The following DPP6 variants were observed in gnomAD, a reference collection of about 807,000 sequenced individuals.
The protein encoded by DPP6 is dipeptidyl peptidase like 6.
Under a neutral mutation model 122.6 loss-of-function variants are expected in DPP6, and 69 were observed. The observed-to-expected ratio is 0.56, with a 90% CI of 0.46 to 0.69. The LOEUF (loss-of-function observed/expected upper bound fraction) is 0.69. Ranked by LOEUF, DPP6 falls within the 30% of genes least tolerant of loss-of-function variation. The pLI is 0.00. For missense variants in DPP6, 928 were observed against 1,116.9 expected (o/e 0.83, Z 2.41); for synonymous variants, 418 against 433.1 (o/e 0.97, Z 0.43).
At chr7:154,233,886 G>A (rs1801050942) in intron 1 of DPP6, among the ~76,000 whole-genome samples, 1 of 152,200 alleles carries the variant, frequency 6.6e-6, no homozygotes, top group African/African-American at 2.4e-5. Flanking sequence ...TGCACAACAG[G>A]TATGATGATG....
At chr7:154,728,098 C>T (rs1842157402) in intron 8 of DPP6, among the ~76,000 whole-genome samples, 1 of 152,214 alleles carries the variant, frequency 6.6e-6, no homozygotes, top group African/African-American at 2.4e-5. Context: ...CAGGGGCCTG[C>T]AGTGTTGTGC....
chr7:154,008,644 A>G (rs1161356613), intron 1 of DPP6, among the ~76,000 whole-genome samples: 2 of 150,256 alleles, frequency 1.3e-5, no homozygotes, highest in African/African-American at 4.9e-5. Context: ...GTAATTAGGA[A>G]TATTATTTCT....
chr7:153,907,276 G>A (rs1418830993), intron 1 of DPP6, among the ~76,000 whole-genome samples: 1 of 152,034 alleles, frequency 6.6e-6, no homozygotes, highest in African/African-American at 2.4e-5. Flanking sequence ...ATTTTTTCCT[G>A]TGTTTGTTGG....
chr7:154,387,059 G>T (rs1247702011), intron 1 of DPP6, among the ~76,000 whole-genome samples: 1 of 152,142 alleles, frequency 6.6e-6, no homozygotes. Flanking sequence ...ACCTGGAAGA[G>T]AACATAGGCA....
intron 1 of DPP6, among the ~76,000 whole-genome samples, chr7:154,114,647 C>T (rs1806846323): frequency 6.6e-6 from 1 of 152,144 alleles, no homozygotes; most frequent in African/African-American, 2.4e-5. Context: ...CTCCGTTGCT[C>T]AACTCCCAGG....
intron 1 of DPP6, among the ~76,000 whole-genome samples, chr7:154,407,204 A>G (rs1433204401): frequency 6.6e-6 from 1 of 152,124 alleles, no homozygotes; most frequent in African/African-American, 2.4e-5. Flanking sequence ...ATTCCTCCCC[A>G]TGTTTAAATT....
chr7:154,203,419 A>G (rs944688285), intron 1 of DPP6, among the ~76,000 whole-genome samples: 1 of 152,178 alleles, frequency 6.6e-6, no homozygotes, highest in African/African-American at 2.4e-5. Flanking sequence ...GACATGCTGC[A>G]GCCTTGTCCT....
At chr7:154,081,899 T>C (rs1804039993) in intron 1 of DPP6, among the ~76,000 whole-genome samples, 1 of 152,138 alleles carries the variant, frequency 6.6e-6, no homozygotes, top group South Asian at 2.1e-4. Context: ...GGAAAATGGA[T>C]GTTTACTTTA....
At chr7:154,713,916 T>A (rs1190363855) in intron 7 of DPP6, among the ~76,000 whole-genome samples, 2 of 152,166 alleles carry the variant, frequency 1.3e-5, no homozygotes, top group Non-Finnish European at 2.9e-5. Flanking sequence ...AGATGGCAAA[T>A]TTTCTAAACT....
At chr7:154,121,962 A>G (rs1248816747) in intron 1 of DPP6, among the ~76,000 whole-genome samples, 1 of 152,262 alleles carries the variant, frequency 6.6e-6, no homozygotes, top group Non-Finnish European at 1.5e-5. Context: ...GGACCTTTCA[A>G]CGGACTGACT....
chr7:154,753,731 G>A (rs1432396586), intron 8 of DPP6, among the ~76,000 whole-genome samples: 1 of 152,190 alleles, frequency 6.6e-6, no homozygotes, highest in Non-Finnish European at 1.5e-5. Flanking sequence ...GAGCGGTCAG[G>A]AGTGGCTCAG....
At chr7:154,073,849 A>G (rs10260116) in intron 1 of DPP6, among the ~76,000 whole-genome samples, 4,406 of 78,484 alleles carry the variant, frequency 0.056, 13 homozygotes, top group South Asian at 0.095. Flanking sequence ...AGCTGGGTCT[A>G]GTGATGGGTG....
chr7:154,324,990 G>A (rs1808318852), intron 1 of DPP6, among the ~76,000 whole-genome samples: 1 of 149,200 alleles, frequency 6.7e-6, no homozygotes, highest in Non-Finnish European at 1.5e-5. Flanking sequence ...TCAGCCTCCC[G>A]AGTAGCTGGG....
intron 1 of DPP6, among the ~76,000 whole-genome samples, chr7:154,010,320 A>G (rs1798102185): frequency 6.6e-6 from 1 of 152,280 alleles, no homozygotes; most frequent in South Asian, 2.1e-4. Flanking sequence ...CATCTTATAG[A>G]CACATACAAC....
At chr7:154,199,453 A>G (rs972155627) in intron 1 of DPP6, among the ~76,000 whole-genome samples, 9 of 152,000 alleles carry the variant, frequency 5.9e-5, no homozygotes, top group African/African-American at 2.2e-4. Context: ...TGCTTAAGGG[A>G]CTTTGGGCAA....
At chr7:154,364,950 A>G (rs182660978) in intron 1 of DPP6, among the ~76,000 whole-genome samples, 4 of 152,328 alleles carry the variant, frequency 2.6e-5, no homozygotes, top group Admixed American at 6.5e-5. Flanking sequence ...GCTTCTTTCT[A>G]TTAGATTTTT....
intron 1 of DPP6, among the ~76,000 whole-genome samples, chr7:154,428,521 C>T (rs937711396): frequency 2.0e-5 from 3 of 152,044 alleles, no homozygotes; most frequent in Non-Finnish European, 2.9e-5. Context: ...GAAGAGAAGT[C>T]GTTATATCAA....
chr7:154,654,185 G>A (rs1423274299), intron 6 of DPP6, among the ~76,000 whole-genome samples: 1 of 152,000 alleles, frequency 6.6e-6, no homozygotes, highest in Non-Finnish European at 1.5e-5. Context: ...TCAAGGACTT[G>A]AGCATCTGTG....
intron 16 of DPP6, among the ~76,000 whole-genome samples, chr7:154,847,957 G>A (rs550873860): frequency 3.8e-4 from 58 of 152,290 alleles, no homozygotes; most frequent in African/African-American, 1.2e-3. Flanking sequence ...TTCACTTAGC[G>A]TAATGTCTTC....
Sources: allele counts gnomAD v4.1 joint callset (sites outside exome capture counted in the v4.1 genomes callset), GRCh38; gene constraint gnomAD v4.1.1; transcripts MANE v1.5; gene names NCBI Gene and HGNC (gene_info 2026-07-23, HGNC 2026-07-21).